Variants in PLEKHG7 observed in about 807,000 individuals in gnomAD.
PLEKHG7 encodes the protein pleckstrin homology and RhoGEF domain containing G7.
A neutral mutation model predicts 85.2 loss-of-function variants in PLEKHG7; 77 were observed. That is an observed-to-expected ratio of 0.90 (90% confidence interval 0.75 to 1.09). The LOEUF (loss-of-function observed/expected upper bound fraction) is 1.09. Among genes scored for constraint, PLEKHG7 ranks in the 50% least tolerant of loss-of-function variants. The pLI is 0.00. For missense variants in PLEKHG7, 777 were observed against 804.3 expected (o/e 0.97, Z 0.41); for synonymous variants, 301 against 302.4 (o/e 1.00, Z 0.05).
intron 15 of PLEKHG7, among the ~76,000 whole-genome samples, chr12:92,768,126 T>G (rs1873267799): frequency 6.6e-6 from 1 of 151,254 alleles, no homozygotes; most frequent in Non-Finnish European, 1.5e-5. Context: ...GAGAACCATG[T>G]GAACCTGGGA....
intron 13 of PLEKHG7, 105 bp from the exon 14 acceptor site, chr12:92,761,647 A>AAAGAAAGAAAGAAAGAAAGG (rs1565797612): frequency 2.6e-5 from 27 of 1,034,852 alleles, no homozygotes; most frequent in Admixed American, 4.5e-5. Context: ...AGAAAGAAAG[A>AAAGAAAGAAAGAAAGAAAGG]AAGAAAGAAA....
At chr12:92,713,996 T>TATATAAA (rs1871416028) in intron 3 of PLEKHG7, among the ~76,000 whole-genome samples, 1 of 152,206 alleles carries the variant, frequency 6.6e-6, no homozygotes, top group Non-Finnish European at 1.5e-5. Context: ...CCATGCCTGT[T>TATATAAA]CTCCAGATTT....
At chr12:92,757,438 G>A (rs938953438) in intron 13 of PLEKHG7, among the ~76,000 whole-genome samples, 1 of 152,188 alleles carries the variant, frequency 6.6e-6, no homozygotes, top group South Asian at 2.1e-4. Flanking sequence ...ATCTGGTGGG[G>A]AGGGGCTGGG....
rs1326633566 is a variant in PLEKHG7, at chr12:92,754,150, C to T, written c.1312C>T (p.Leu438=). ...LHVPELLVAP[L]QRLTRYPLLL... Reference sequence around the variant, plus strand: ...CGTGCCAGAGCTGCTAGTGGCCCCACTACAGAGGCTCACTCGATATCCGTT... The same window carrying T: ...CGTGCCAGAGCTGCTAGTGGCCCCATTACAGAGGCTCACTCGATATCCGTT... Residue 438 remains leucine (L), a synonymous_variant, in exon 11 of 17, where the codon CTA becomes TTA. Transcript: ENST00000344636. 1.9e-6 allele frequency: 3 copies of T among 1,613,990 alleles called. No homozygotes were observed. In the African/African-American group the frequency reaches 4.0e-5, roughly 22 times the overall value.
At chr12:92,716,680 G>A (rs1464589007) in intron 3 of PLEKHG7, among the ~76,000 whole-genome samples, 1 of 152,196 alleles carries the variant, frequency 6.6e-6, no homozygotes, top group African/African-American at 2.4e-5. Context: ...ATCTTTCCAA[G>A]TACAGCCAGT....
intron 3 of PLEKHG7, among the ~76,000 whole-genome samples, chr12:92,709,892 T>G (rs996182381): frequency 6.6e-6 from 1 of 152,114 alleles, no homozygotes; most frequent in African/African-American, 2.4e-5. Context: ...AAAATATTTT[T>G]TCTTTAAATA....
At chr12:92,761,627 AAAGAAAGAAAGAAAG>A (rs1873009109) in intron 13 of PLEKHG7, 110 bp from the exon 14 acceptor site, 1 of 79,308 alleles carries the variant, frequency 1.3e-5, no homozygotes, top group Admixed American at 6.6e-4. Flanking sequence ...AAGAAAGAAG[AAAGAAAGAAAGAAAG>A]AAAGAAAGAA....
intron 3 of PLEKHG7, among the ~76,000 whole-genome samples, chr12:92,721,238 G>A (rs1871631143): frequency 6.6e-6 from 1 of 152,158 alleles, no homozygotes; most frequent in Non-Finnish European, 1.5e-5. Context: ...GTCTACTGGG[G>A]GACCCATTTC....
Position 92,754,113 on chromosome 12 carries a change from C to T in PLEKHG7, c.1275C>T (p.Cys425=). ...AGTGGTGTGAGCAGAATGAACAATG[C>T]AGACGGCTCCACGTGCCAGAGCTGC... ...YLKWCEQNEQ[C]RRLHVPELLV... The change falls in exon 11 of 17, where the codon TGC becomes TGT. Residue 425 remains cysteine, a synonymous_variant. Coordinates refer to ENST00000344636, the MANE Select transcript of PLEKHG7 (RefSeq NM_001377329.1). 1.2e-6 allele frequency: 2 copies of T among 1,613,860 alleles called. No individual in the cohort carries two copies. The highest frequency in any genetic ancestry group is 1.7e-6 in the Non-Finnish European group (2 of 1,179,834).
intron 13 of PLEKHG7, among the ~76,000 whole-genome samples, chr12:92,757,571 T>G (rs1176613066): frequency 3.3e-5 from 5 of 152,186 alleles, no homozygotes; most frequent in African/African-American, 1.2e-4. Context: ...ATATCCAGCG[T>G]TTTATATCCA....
chr12:92,709,463 G>A (rs1412660961), intron 3 of PLEKHG7, among the ~76,000 whole-genome samples: 1 of 152,190 alleles, frequency 6.6e-6, no homozygotes, highest in Non-Finnish European at 1.5e-5. Flanking sequence ...TTGAGTTTGA[G>A]GAACTATGAA....
At chr12:92,737,703 AAG>A (rs1211989425) in intron 7 of PLEKHG7, among the ~76,000 whole-genome samples, 182 bp downstream of exon 7, 6 of 66,710 alleles carry the variant, frequency 9.0e-5, no homozygotes, top group East Asian at 3.7e-4. Flanking sequence ...AAAAGAGAGA[AAG>A]AGAAGAAGAG....
intron 3 of PLEKHG7, chr12:92,707,934 T>C: frequency 3.8e-6 from 2 of 522,834 alleles, no homozygotes; most frequent in Non-Finnish European, 6.6e-6. Flanking sequence ...GTCTTGGCCC[T>C]GTGGCTTAAT....
chr12:92,739,305 T>C (rs1393530549), intron 7 of PLEKHG7, among the ~76,000 whole-genome samples: 1 of 152,220 alleles, frequency 6.6e-6, no homozygotes, highest in Non-Finnish European at 1.5e-5. Context: ...GCCAATTGGC[T>C]TAAGGCAGTC....
chr12:92,765,668 C>A (rs1246817742), intron 15 of PLEKHG7, among the ~76,000 whole-genome samples: 1 of 151,580 alleles, frequency 6.6e-6, no homozygotes, highest in Admixed American at 6.6e-5. Flanking sequence ...GCAGCACACA[C>A]TTGTACTCCC....
chr12:92,709,635 C>G (rs776188738), intron 3 of PLEKHG7, among the ~76,000 whole-genome samples: 1 of 152,136 alleles, frequency 6.6e-6, no homozygotes, highest in Non-Finnish European at 1.5e-5. Context: ...GACATAAAGG[C>G]AGATCAATGG....
chr12:92,712,436 A>G (rs1275396474), intron 3 of PLEKHG7, among the ~76,000 whole-genome samples: 1 of 152,208 alleles, frequency 6.6e-6, no homozygotes, highest in African/African-American at 2.4e-5. Flanking sequence ...CAAGCAATGA[A>G]ACCACATCTG....
chr12:92,752,232 A>C (rs896411939), intron 10 of PLEKHG7, among the ~76,000 whole-genome samples: 5 of 152,124 alleles, frequency 3.3e-5, no homozygotes, highest in African/African-American at 1.2e-4. Flanking sequence ...GTAGGGTCTC[A>C]TGGGCTGTGT....
At chr12:92,732,880 G>A (rs762140132) in intron 5 of PLEKHG7, among the ~76,000 whole-genome samples, 43 of 152,116 alleles carry the variant, frequency 2.8e-4, no homozygotes, top group Non-Finnish European at 5.7e-4. Context: ...TGTTCATGAT[G>A]ACAACCTGAC....
Sources: allele counts gnomAD v4.1 joint callset (sites outside exome capture counted in the v4.1 genomes callset), GRCh38; gene constraint gnomAD v4.1.1; transcripts MANE v1.5; gene names NCBI Gene and HGNC (gene_info 2026-07-23, HGNC 2026-07-21).